EYA1: variants seen among roughly 807,000 people sequenced by gnomAD.
EYA1 encodes the protein EYA transcriptional coactivator and phosphatase 1.
In EYA1, 16 loss-of-function variants were observed where a neutral mutation model predicts 82.0. The ratio of observed to expected loss-of-function variants is 0.20; its 90% CI spans 0.13 to 0.30. EYA1 has a LOEUF of 0.30. EYA1 is among the 10% of genes least tolerant of loss of function. The pLI, the probability that EYA1 is intolerant of heterozygous loss-of-function variation, is 1.00. For synonymous variants in EYA1, 261 were observed against 264.4 expected (o/e 0.99, Z 0.12); for missense variants, 633 against 730.7 (o/e 0.87, Z 1.54).
chr8:71,508,641 C>A lies in EYA1; in HGVS notation c.33+27103G>T, dbSNP rs79985442. 6.8e-3 allele frequency among the ~76,000 whole-genome samples: 1,039 copies of A among 152,238 alleles called. 15 individuals carry two copies. The highest frequency in any genetic ancestry group is 0.024 in the African/African-American group (982 of 41,546). ...GGCCCAAGGTTGCTCATTGTTATTT[C>A]CACCTTGTGAGTACACAGTTTGAAG... is the stretch of plus-strand genomic sequence containing the variant. On this transcript the variant is annotated intron_variant, in intron 2 of 18. Transcript: ENST00000643681.
intron 2 of EYA1, among the ~76,000 whole-genome samples, chr8:71,502,926 C>A (rs1222141359): frequency 2.0e-5 from 3 of 152,170 alleles, no homozygotes; most frequent in African/African-American, 4.8e-5. Flanking sequence ...ATGGTGAGTT[C>A]CACTCTGCCC....
At chr8:71,547,609 G>A (rs1815752128) in intron 1 of EYA1, 1 of 151,958 alleles carries the variant, frequency 6.6e-6, no homozygotes, top group East Asian at 2.0e-4. Flanking sequence ...GCCGCTTCCC[G>A]GGCGCCGATC....
intron 2 of EYA1, among the ~76,000 whole-genome samples, chr8:71,494,022 CAAAAAAAAAAAA>C (rs34340467): frequency 4.8e-5 from 2 of 41,858 alleles, no homozygotes; most frequent in Non-Finnish European, 1.0e-4. Context: ...GACTCCGTCT[CAAAAAAAAAAAA>C]AAAAAAAAAA....
At chr8:71,420,428 A>G (rs1209668924) in intron 2 of EYA1, among the ~76,000 whole-genome samples, 1 of 152,244 alleles carries the variant, frequency 6.6e-6, no homozygotes, top group East Asian at 1.9e-4. Context: ...AATTCTTTTA[A>G]AAGACAAAGT....
rs116750942 is a variant in EYA1 at position 71,241,012 on chromosome 8, A to G, written c.1140+3591T>C. Among the ~76,000 whole-genome samples, 770 of 152,328 alleles carry G rather than the reference A, an allele frequency of 5.1e-3. 7 individuals are homozygous for G. The highest frequency in any genetic ancestry group is 0.018 in the African/African-American group (733 of 41,578). On this transcript the variant is annotated intron_variant, in intron 12 of 17. Transcript: ENST00000340726. ...ATAGGCATCATCGTATTGCACATGG[A>G]GAGTTTTTTTGTAAAATGATATGCA...
At chr8:71,320,242 A>G (rs1024507612) in intron 6 of EYA1, among the ~76,000 whole-genome samples, 1 of 152,174 alleles carries the variant, frequency 6.6e-6, no homozygotes, top group Non-Finnish European at 1.5e-5. Flanking sequence ...AGAAGGAAGA[A>G]GAAAGATGTG....
rs1563383057 is a variant in EYA1, at chr8:71,277,115, A to ATGCTTTTTTTTTTTTTTTTT, written c.827-5219_827-5218insAAAAAAAAAAAAAAAAAGCA. On this transcript the variant is annotated intron_variant, in intron 9 of 17. Transcript: ENST00000340726. Reference sequence around the variant, plus strand: ...GCCATGCTATTTCATGGCTTCACACATTTTTTTTTTTTTTTTTTTTTTTTT... The same window carrying ATGCTTTTTTTTTTTTTTTTT: ...GCCATGCTATTTCATGGCTTCACACATGCTTTTTTTTTTTTTTTTTTTTTTTTTTTTTTTTTTTTTTTTTT... Among the ~76,000 whole-genome samples, 3 of 76,938 alleles carry ATGCTTTTTTTTTTTTTTTTT rather than the reference A, an allele frequency of 3.9e-5. 1 individual carries two copies. Among genetic ancestry groups the ATGCTTTTTTTTTTTTTTTTT allele is most frequent in the African/African-American group, 5.3e-5 (1 of 18,750 alleles). 50.5% of individuals were successfully genotyped at this position (76,938 alleles called of 152,430 possible). A position where few individuals can be genotyped will look rare whatever the true frequency, so the allele number is the denominator to read the frequency against.
At chr8:71,370,265 A>G (rs2129088706) in intron 2 of EYA1, among the ~76,000 whole-genome samples, 2 of 151,824 alleles carry the variant, frequency 1.3e-5, no homozygotes, top group South Asian at 4.2e-4. Flanking sequence ...CCACAACACC[A>G]TCATTTTCAA....
chr8:71,454,728 A>G (rs1251392856), intron 2 of EYA1, among the ~76,000 whole-genome samples: 2 of 152,234 alleles, frequency 1.3e-5, no homozygotes, highest in African/African-American at 4.8e-5. Context: ...CAATGAGAAC[A>G]AAGACACAAC....
At chr8:71,368,428 G>A (rs1827884778) in intron 2 of EYA1, among the ~76,000 whole-genome samples, 1 of 151,954 alleles carries the variant, frequency 6.6e-6, no homozygotes, top group Non-Finnish European at 1.5e-5. Context: ...GATCTTCCCT[G>A]CTTGTAGAGA....
rs567533835 is a variant in EYA1, at chr8:71,385,055, G to T, written c.34-28544C>A. Among the ~76,000 whole-genome samples, 5 of 151,716 alleles carry T rather than the reference G, an allele frequency of 3.3e-5. No individual in the cohort carries two copies. In the South Asian group the frequency reaches 8.4e-4, roughly 25 times the overall value. Reference sequence around the variant, plus strand: ...GACAGCGTCTCACTCTGTCACCCAGGCTGGAGTGCAGTGGCGTAATCTTGG... The same window carrying T: ...GACAGCGTCTCACTCTGTCACCCAGTCTGGAGTGCAGTGGCGTAATCTTGG... On this transcript the variant is annotated intron_variant, in intron 2 of 18. Coordinates refer to the EYA1 transcript ENST00000643681.
intron 17 of EYA1, among the ~76,000 whole-genome samples, chr8:71,208,667 A>T (rs1334738668): frequency 6.6e-6 from 1 of 152,144 alleles, no homozygotes; most frequent in Admixed American, 6.5e-5. Flanking sequence ...AACATGGCAC[A>T]TGTATACCTA....
chr8:71,361,773 T>C lies in EYA1; in HGVS notation c.-181A>G, dbSNP rs989173724. 4.1e-6 allele frequency: 4 copies of C among 985,464 alleles called. No homozygotes were observed. The highest frequency in any genetic ancestry group is 3.6e-6 in the Non-Finnish European group (3 of 829,956). The allele number at this position is 985,464 out of a possible 1,614,324, so 61.0% of individuals were successfully genotyped here. On this transcript the variant is annotated 5_prime_UTR_variant, in exon 1 of 18. Transcript: ENST00000340726. Reference sequence around the variant, plus strand: ...GCGCGGGGGCTCTCAGGCGCTCTGGTGCAGCCGCGGCGCTTCTGGGAGTGG... The same window carrying C: ...GCGCGGGGGCTCTCAGGCGCTCTGGCGCAGCCGCGGCGCTTCTGGGAGTGG...
intron 12 of EYA1, among the ~76,000 whole-genome samples, chr8:71,237,060 T>C (rs1263560992): frequency 2.7e-5 from 4 of 149,028 alleles, no homozygotes; most frequent in Non-Finnish European, 4.5e-5. Context: ...TTTCTTTTCT[T>C]TTTTTTTTTT....
chr8:71,531,844 TGAAGA>T (rs1227977317), intron 2 of EYA1, among the ~76,000 whole-genome samples: 1 of 152,146 alleles, frequency 6.6e-6, no homozygotes. Context: ...CCTCATGAAG[TGAAGA>T]GAAGAGTGGG....
intron 11 of EYA1, among the ~76,000 whole-genome samples, chr8:71,249,028 T>C (rs187720739): frequency 6.8e-6 from 1 of 148,138 alleles, no homozygotes; most frequent in Non-Finnish European, 1.5e-5. Context: ...TAAAACACCA[T>C]TTTTTGTTAT....
intron 11 of EYA1, among the ~76,000 whole-genome samples, chr8:71,265,167 G>GT (rs35272457): frequency 0.15 from 22,908 of 150,796 alleles, 2,075 homozygotes; most frequent in African/African-American, 0.25. Flanking sequence ...TTTTTGTTTT[G>GT]TTTTTTTTTG....
intron 12 of EYA1, among the ~76,000 whole-genome samples, chr8:71,235,328 C>G (rs1032622560): frequency 6.6e-6 from 1 of 152,180 alleles, no homozygotes; most frequent in Non-Finnish European, 1.5e-5. Flanking sequence ...TCATCTGGAC[C>G]CTGCCGCTCT....
chr8:71,205,056 T>G (rs1187065170), intron 17 of EYA1, among the ~76,000 whole-genome samples: 1 of 152,204 alleles, frequency 6.6e-6, no homozygotes, highest in Non-Finnish European at 1.5e-5. Context: ...TAAAAGTGGC[T>G]TGTATTTTTC....
Sources: gnomAD v4.1 joint callset for allele counts (sites outside exome capture counted in the v4.1 genomes callset) on GRCh38, gnomAD v4.1.1 for gene constraint, MANE v1.5 for transcripts, NCBI Gene and HGNC (gene_info 2026-07-23, HGNC 2026-07-21) for gene names.